The following TASOR variants were observed in gnomAD, a reference collection of about 807,000 sequenced individuals.
TASOR encodes transcription activation suppressor.
TASOR carries 53 observed loss-of-function variants against 178.6 expected under a neutral mutation model. The observed-to-expected ratio is 0.30, with a 90% CI of 0.24 to 0.37. The LOEUF is 0.37. TASOR is among the 10% of genes least tolerant of loss of function. The probability of loss-of-function intolerance (pLI) is 1.00; values close to 1 mark genes in which losing one functional copy is unlikely to be tolerated. For missense variants in TASOR, 1,815 were observed against 1,971.4 expected, an observed-to-expected ratio of 0.92 and a Z score of 1.50; for synonymous variants, 713 against 696.2, an observed-to-expected ratio of 1.02 and a Z score of -0.38.
rs2077291888 is a variant in TASOR at position 56,648,877 on chromosome 3, C to T, written c.1458G>A (p.Lys486=). The T allele has an allele frequency of 1.2e-6, 2 of 1,611,902 alleles. No individual in the cohort carries two copies. The highest frequency in any genetic ancestry group is 1.7e-5 in the Admixed American group (1 of 59,852). Reference sequence around the variant, plus strand: ...GAAACAAAGCATGTAGGACTCGAGACTTGGCAGTCTGATATTCTAAAAAAC... The same window carrying T: ...GAAACAAAGCATGTAGGACTCGAGATTTGGCAGTCTGATATTCTAAAAAAC... The part of the protein sequence containing the change: ...MVPPYEYQTA[K]SRVLHALFLF... Residue 486 remains lysine, a synonymous_variant, in exon 13 of 24, where the codon AAG becomes AAA. Coordinates refer to ENST00000683822, the MANE Select transcript of TASOR (RefSeq NM_001365635.2).
intron 1 of TASOR, among the ~76,000 whole-genome samples, chr3:56,680,524 G>T (rs981129885): frequency 2.6e-5 from 4 of 151,914 alleles, no homozygotes; most frequent in African/African-American, 9.7e-5. Flanking sequence ...CACAAGAAAA[G>T]GTCTACCATA....
chr3:56,680,824 C>G (rs1344821103), intron 1 of TASOR, among the ~76,000 whole-genome samples: 3 of 152,036 alleles, frequency 2.0e-5, no homozygotes, highest in African/African-American at 4.8e-5. Flanking sequence ...CAACTTTTGT[C>G]TGTAAGTAAA....
At chr3:56,637,832 A>G (rs1357188130) in intron 17 of TASOR, among the ~76,000 whole-genome samples, 1 of 152,196 alleles carries the variant, frequency 6.6e-6, no homozygotes, top group African/African-American at 2.4e-5. Flanking sequence ...AACAATGCCT[A>G]TGACCATCTG....
At position 56,682,947 on chromosome 3, in the gene TASOR, G is replaced by C. The variant is rs2031939304; in HGVS notation, c.60C>G (p.Gly20=). The stretch of plus-strand genomic sequence containing the variant: ...GCTTCATCTCGTCGTCTCCGCCGCC[G>C]CCACTTTCCCAACTCGCATCCGTCG... ...CQPTDASWES[G]GGGDDEMKQA... is the part of the protein sequence containing the mutation. Residue 20 remains glycine (G), a synonymous_variant, in exon 1 of 24, where the codon GGC becomes GGG. Transcript: ENST00000683822. The C allele has an allele frequency of 6.5e-7, 1 of 1,549,750 alleles. No individual in the cohort carries two copies. The highest frequency in any genetic ancestry group is 8.7e-7 in the Non-Finnish European group (1 of 1,146,618).
At position 56,649,010 on chromosome 3, in the gene TASOR, G is replaced by T. The variant is rs1170172400; in HGVS notation, c.1416C>A (p.Ser472=). 2 of 1,608,652 alleles carry T rather than the reference G, an allele frequency of 1.2e-6. No individual in the cohort carries two copies. Among genetic ancestry groups the T allele is most frequent in the Non-Finnish European group, 1.7e-6 (2 of 1,178,498 alleles). Residue 472 remains serine, a synonymous_variant, in exon 12 of 24, where the codon TCC becomes TCA. Coordinates refer to ENST00000683822, the MANE Select transcript of TASOR (RefSeq NM_001365635.2). ...LGDRGYLFLL[S]PYQMVPPYEY... Reference sequence around the variant, plus strand: ...CATATGGAGGAACCATCTGATAAGGGGAGAGAAGAAAAAGGTATCCTCGGT... The same window carrying T: ...CATATGGAGGAACCATCTGATAAGGTGAGAGAAGAAAAAGGTATCCTCGGT...
intron 2 of TASOR, among the ~76,000 whole-genome samples, 170 bp downstream of exon 2, chr3:56,673,410 C>A (rs931192557): frequency 1.1e-4 from 10 of 93,626 alleles, no homozygotes; most frequent in Non-Finnish European, 5.9e-5. Flanking sequence ...CCAGCCTGGG[C>A]AACAACAGTG....
intron 1 of TASOR, among the ~76,000 whole-genome samples, chr3:56,679,132 G>C (rs868613432): frequency 3.1e-4 from 47 of 152,238 alleles, no homozygotes; most frequent in Admixed American, 1.0e-3. Flanking sequence ...CTGAGGATCT[G>C]AAATTTTCTG....
At chr3:56,627,888 A>G (rs2076832328) in intron 19 of TASOR, 147 bp from the exon 20 acceptor site, 1 of 622,144 alleles carries the variant, frequency 1.6e-6, no homozygotes, top group Non-Finnish European at 2.7e-6. Context: ...CACAAATAAT[A>G]TTCCCAACAT....
At chr3:56,637,948 TTAA>T (rs2077049698) in intron 17 of TASOR, among the ~76,000 whole-genome samples, 1 of 152,176 alleles carries the variant, frequency 6.6e-6, no homozygotes, top group Non-Finnish European at 1.5e-5. Context: ...TCCAAGTTTC[TTAA>T]TCTTATTTAA....
At chr3:56,626,300 A>G (rs886565148) in intron 21 of TASOR, among the ~76,000 whole-genome samples, 1 of 152,224 alleles carries the variant, frequency 6.6e-6, no homozygotes, top group Non-Finnish European at 1.5e-5. Context: ...GAAATTATCT[A>G]TGTATACATG....
At chr3:56,632,860 A>ACTCCTGGCCTCAAGCAATC (rs1477818540) in intron 18 of TASOR, among the ~76,000 whole-genome samples, 184 bp downstream of exon 18, 1 of 151,586 alleles carries the variant, frequency 6.6e-6, no homozygotes, top group East Asian at 1.9e-4. Flanking sequence ...CTTGTCATGA[A>ACTCCTGGCCTCAAGCAATC]CTCCTGGCCT....
intron 17 of TASOR, among the ~76,000 whole-genome samples, chr3:56,635,271 G>A (rs992377024): frequency 1.4e-4 from 21 of 152,324 alleles, no homozygotes; most frequent in South Asian, 2.1e-4. Flanking sequence ...GTCTGTAGGC[G>A]GAGGTGAGAG....
intron 6 of TASOR, among the ~76,000 whole-genome samples, chr3:56,667,702 G>A (rs928059693): frequency 4.6e-5 from 7 of 151,994 alleles, no homozygotes; most frequent in Non-Finnish European, 7.4e-5. Flanking sequence ...TAGGGAGGCC[G>A]AAGTGGGAAG....
At chr3:56,666,093 CACCG>C (rs2029931345) in intron 7 of TASOR, among the ~76,000 whole-genome samples, 163 bp downstream of exon 7, 2 of 151,842 alleles carry the variant, frequency 1.3e-5, no homozygotes, top group Non-Finnish European at 2.9e-5. Flanking sequence ...CTGTTCTTCA[CACCG>C]ACCATTTAAA....
chr3:56,651,566 G>A lies in TASOR; in HGVS notation c.1369-2509C>T, dbSNP rs575526996. ...AATTTTAAAAGTTGTCATGTGTGGC[G>A]TCATATGCCTATAGTCCTGGCTACT... On this transcript the variant is annotated intron_variant, in intron 11 of 23. Coordinates refer to ENST00000683822, the MANE Select transcript of TASOR (RefSeq NM_001365635.2). Among the ~76,000 whole-genome samples, 5 of 152,156 alleles carry A rather than the reference G, an allele frequency of 3.3e-5. No individual in the cohort carries two copies. The South Asian group carries it at 6.2e-4, about 19-fold the overall frequency.
intron 9 of TASOR, among the ~76,000 whole-genome samples, chr3:56,661,777 A>T (rs1559844546): frequency 6.6e-6 from 1 of 152,238 alleles, no homozygotes; most frequent in African/African-American, 2.4e-5. Flanking sequence ...ACATAAAAAA[A>T]TATATCTACT....
chr3:56,624,418 A>G (rs909681176), intron 23 of TASOR, 61 bp downstream of exon 23: 11 of 1,561,578 alleles, frequency 7.0e-6, no homozygotes, highest in Non-Finnish European at 7.9e-6. Flanking sequence ...ATTTGGTAAC[A>G]GCAAAACCAT....
chr3:56,671,571 A>G (rs1346457531), intron 3 of TASOR, 29 bp downstream of exon 3: 8 of 1,469,018 alleles, frequency 5.4e-6, no homozygotes, highest in Non-Finnish European at 7.4e-6. Context: ...ACATCCCCAA[A>G]TTGTTTTTTA....
chr3:56,677,507 G>T (rs539779171), intron 1 of TASOR, among the ~76,000 whole-genome samples: 4 of 152,154 alleles, frequency 2.6e-5, no homozygotes, highest in African/African-American at 9.7e-5. Context: ...CTTTTGAGTT[G>T]GCCCAAGGTT....
Sources: gnomAD v4.1 joint callset for allele counts (sites outside exome capture counted in the v4.1 genomes callset) on GRCh38, gnomAD v4.1.1 for gene constraint, MANE v1.5 for transcripts, NCBI Gene and HGNC (gene_info 2026-07-23, HGNC 2026-07-21) for gene names.